LYPLAL1: variants seen among roughly 807,000 people sequenced by gnomAD.
The protein encoded by LYPLAL1 is lysophospholipase-like protein 1.
Under a neutral mutation model 19.7 loss-of-function variants are expected in LYPLAL1, and 23 were observed. The observed-to-expected ratio is 1.17, with a 90% CI of 0.84 to 1.65. The LOEUF (loss-of-function observed/expected upper bound fraction) is 1.65. Among genes scored for constraint, LYPLAL1 ranks in the 40% most tolerant of loss-of-function variants. The probability of loss-of-function intolerance (pLI) is 0.00; values close to 1 mark genes in which losing one functional copy is unlikely to be tolerated. For synonymous variants in LYPLAL1, 119 were observed against 96.3 expected, an observed-to-expected ratio of 1.24 and a Z score of -1.38; for missense variants, 355 against 279.4, an observed-to-expected ratio of 1.27 and a Z score of -1.93.
the LYPLAL1 span, among the ~76,000 whole-genome samples, chr1:219,369,809 A>G: frequency 6.6e-6 from 1 of 152,236 alleles, no homozygotes; most frequent in African/African-American, 2.4e-5. Context: ...ACAATGTGCC[A>G]GACTGTGATA....
At chr1:219,345,204 G>A in the LYPLAL1 span, among the ~76,000 whole-genome samples, 9 of 152,018 alleles carry the variant, frequency 5.9e-5, no homozygotes, top group African/African-American at 1.9e-4. Flanking sequence ...TTATATGTTT[G>A]TACACATATT....
At chr1:219,390,982 A>C in the LYPLAL1 span, among the ~76,000 whole-genome samples, 1 of 152,148 alleles carries the variant, frequency 6.6e-6, no homozygotes, top group Non-Finnish European at 1.5e-5. Context: ...TGACTGAAAC[A>C]CCTGATGCAT....
chr1:219,329,159 T>TA, the LYPLAL1 span, among the ~76,000 whole-genome samples: 1 of 152,140 alleles, frequency 6.6e-6, no homozygotes, highest in South Asian at 2.1e-4. Flanking sequence ...TGTAATTGGA[T>TA]AAAAATGTCT....
At chr1:219,400,744 C>T in the LYPLAL1 span, among the ~76,000 whole-genome samples, 3 of 152,184 alleles carry the variant, frequency 2.0e-5, no homozygotes, top group Non-Finnish European at 4.4e-5. Flanking sequence ...AAGTTATCCA[C>T]CTGCCTCAAC....
At chr1:219,214,361 G>GT (rs1389721442), downstream of LYPLAL1, among the ~76,000 whole-genome samples, 1 of 151,970 alleles carries the variant, frequency 6.6e-6, no homozygotes, top group Non-Finnish European at 1.5e-5. Context: ...TTTGGTTTTG[G>GT]TATCAGGACA....
At chr1:219,351,456 A>C in the LYPLAL1 span, among the ~76,000 whole-genome samples, 4 of 152,176 alleles carry the variant, frequency 2.6e-5, no homozygotes, top group Non-Finnish European at 4.4e-5. Flanking sequence ...CACTCTCATG[A>C]GGATCATCCA....
chr1:219,256,281 T>C, the LYPLAL1 span, among the ~76,000 whole-genome samples: 2 of 151,892 alleles, frequency 1.3e-5, no homozygotes, highest in Non-Finnish European at 2.9e-5. Context: ...GTGCCAGGAA[T>C]GTGTGGTTTT....
At chr1:219,287,180 A>G in the LYPLAL1 span, among the ~76,000 whole-genome samples, 1 of 152,184 alleles carries the variant, frequency 6.6e-6, no homozygotes, top group Non-Finnish European at 1.5e-5. Flanking sequence ...TCCTCTTTTT[A>G]TCCGAATGCA....
At chr1:219,274,527 A>G in the LYPLAL1 span, among the ~76,000 whole-genome samples, 1 of 152,106 alleles carries the variant, frequency 6.6e-6, no homozygotes, top group Admixed American at 6.6e-5. Flanking sequence ...CTGGGATTAC[A>G]GGTGCCTGCC....
At chr1:219,174,835 T>C in intron 1 of LYPLAL1, 9 of 941,982 alleles carry the variant, frequency 9.6e-6, no homozygotes, top group Non-Finnish European at 1.1e-5. Flanking sequence ...GGGGCCTACC[T>C]AAAGTTAAAA....
At chr1:219,373,674 T>C in the LYPLAL1 span, among the ~76,000 whole-genome samples, 1 of 152,126 alleles carries the variant, frequency 6.6e-6, no homozygotes, top group Non-Finnish European at 1.5e-5. Context: ...TTCATGCTTC[T>C]GTTCACACTG....
At chr1:219,286,707 T>C in the LYPLAL1 span, among the ~76,000 whole-genome samples, 1 of 152,186 alleles carries the variant, frequency 6.6e-6, no homozygotes, top group African/African-American at 2.4e-5. Context: ...CATCAGAAAT[T>C]CTGAAAAACA....
the LYPLAL1 span, among the ~76,000 whole-genome samples, chr1:219,278,762 C>G: frequency 2.0e-5 from 3 of 152,112 alleles, no homozygotes; most frequent in African/African-American, 7.2e-5. Context: ...TGTCTACTTG[C>G]CTTTTGGCCT....
At chr1:219,273,745 T>C in the LYPLAL1 span, among the ~76,000 whole-genome samples, 2 of 152,100 alleles carry the variant, frequency 1.3e-5, no homozygotes, top group Non-Finnish European at 2.9e-5. Context: ...CCTACAGTGG[T>C]CTTTGTATGT....
the LYPLAL1 span, chr1:219,222,319 G>A: frequency 6.6e-6 from 1 of 151,808 alleles, no homozygotes; most frequent in African/African-American, 2.4e-5. Context: ...CACACTTCAG[G>A]GCATCAACCT....
the LYPLAL1 span, among the ~76,000 whole-genome samples, chr1:219,292,573 C>T: frequency 6.6e-6 from 1 of 152,250 alleles, no homozygotes; most frequent in Non-Finnish European, 1.5e-5. Flanking sequence ...AGGACTGAAA[C>T]CTTGCTGCCC....
At chr1:219,354,640 GTAGCTA>G in the LYPLAL1 span, among the ~76,000 whole-genome samples, 362 of 152,284 alleles carry the variant, frequency 2.4e-3, 3 homozygotes, top group African/African-American at 8.4e-3. Flanking sequence ...AATGTAAAAA[GTAGCTA>G]TAGGAAAACA....
At chr1:219,194,906 T>G (rs1657485098) in intron 3 of LYPLAL1, among the ~76,000 whole-genome samples, 1 of 152,076 alleles carries the variant, frequency 6.6e-6, no homozygotes, top group Non-Finnish European at 1.5e-5. Context: ...GTAATGCTTT[T>G]TGTTTTTGTC....
chr1:219,184,654 T>G (rs562244255), intron 2 of LYPLAL1, among the ~76,000 whole-genome samples: 1 of 152,048 alleles, frequency 6.6e-6, no homozygotes, highest in South Asian at 2.1e-4. Context: ...GAGGTTTCTT[T>G]GTGAATTTAT....
Sources: allele counts gnomAD v4.1 joint callset (sites outside exome capture counted in the v4.1 genomes callset), GRCh38; gene constraint gnomAD v4.1.1; transcripts MANE v1.5; gene names NCBI Gene and HGNC (gene_info 2026-07-23, HGNC 2026-07-21).